MACROD2: variants seen among roughly 807,000 people sequenced by gnomAD.
MACROD2 encodes ADP-ribose glycohydrolase MACROD2.
A neutral mutation model predicts 70.4 loss-of-function variants in MACROD2; 36 were observed. The ratio of observed to expected loss-of-function variants is 0.51; its 90% CI spans 0.39 to 0.68. The LOEUF is 0.68. MACROD2 is among the 30% of genes least tolerant of loss of function. The pLI is 0.00. For synonymous variants in MACROD2, 172 were observed against 178.8 expected, an observed-to-expected ratio of 0.96 and a Z score of 0.30; for missense variants, 496 against 538.4, an observed-to-expected ratio of 0.92 and a Z score of 0.78.
chr20:15,557,766 G>A (rs1250637657), intron 8 of MACROD2, among the ~76,000 whole-genome samples: 5 of 152,142 alleles, frequency 3.3e-5, no homozygotes, highest in Non-Finnish European at 5.9e-5. Flanking sequence ...GCTTAATTTG[G>A]TGCAGCTGTT....
chr20:14,558,550 C>T (rs761296944), intron 4 of MACROD2, among the ~76,000 whole-genome samples: 2 of 151,390 alleles, frequency 1.3e-5, no homozygotes, highest in Non-Finnish European at 3.0e-5. Flanking sequence ...ATATTCTTAC[C>T]GATAAACTTC....
intron 5 of MACROD2, among the ~76,000 whole-genome samples, chr20:14,765,378 A>T (rs996302095): frequency 1.3e-5 from 2 of 150,738 alleles, no homozygotes; most frequent in African/African-American, 2.4e-5. Flanking sequence ...TATTCCTGCC[A>T]TTTTTTTTTT....
At chr20:15,124,747 C>A (rs1406814586) in intron 5 of MACROD2, among the ~76,000 whole-genome samples, 1 of 151,320 alleles carries the variant, frequency 6.6e-6, no homozygotes, top group Non-Finnish European at 1.5e-5. Flanking sequence ...GAAATTTTGT[C>A]CTTCCCCCAT....
intron 10 of MACROD2, among the ~76,000 whole-genome samples, chr20:15,888,748 T>C (rs1179836791): frequency 6.6e-6 from 1 of 152,098 alleles, no homozygotes; most frequent in Admixed American, 6.6e-5. Flanking sequence ...TTGGGCAGAA[T>C]GGGCTTGGGA....
At chr20:15,725,627 G>A (rs2050850270) in intron 8 of MACROD2, among the ~76,000 whole-genome samples, 1 of 152,100 alleles carries the variant, frequency 6.6e-6, no homozygotes, top group African/African-American at 2.4e-5. Context: ...TTGAAAAGCA[G>A]TGGTAAGAGG....
chr20:14,001,652 G>C (rs920397441), intron 1 of MACROD2, among the ~76,000 whole-genome samples: 3 of 152,084 alleles, frequency 2.0e-5, no homozygotes, highest in Non-Finnish European at 2.9e-5. Context: ...GGCAACACAA[G>C]GATAGCATTG....
chr20:15,071,929 A>T (rs2075622003), intron 5 of MACROD2, among the ~76,000 whole-genome samples: 1 of 152,056 alleles, frequency 6.6e-6, no homozygotes, highest in Non-Finnish European at 1.5e-5. Context: ...TTCTCATTCC[A>T]CTTGTTACCT....
At chr20:14,249,737 C>T (rs1052316212) in intron 3 of MACROD2, among the ~76,000 whole-genome samples, 16 of 151,982 alleles carry the variant, frequency 1.1e-4, no homozygotes, top group African/African-American at 2.9e-4. Context: ...AAAAAAACTT[C>T]AGAGTGATTT....
intron 8 of MACROD2, among the ~76,000 whole-genome samples, chr20:15,621,253 A>G (rs1036799876): frequency 6.6e-6 from 1 of 152,116 alleles, no homozygotes; most frequent in Non-Finnish European, 1.5e-5. Context: ...CTCTATTTCA[A>G]ATTATTTCTT....
chr20:16,030,168 C>T lies in MACROD2; in HGVS notation c.1154-11033C>T, dbSNP rs570664468. ...ATCCAAGCCCCAAAGATAGTGCCCA[C>T]TATGGGAAGTCCAAGCCCCAAAGAT... On this transcript the variant is annotated intron_variant, in intron 15 of 17. Transcript: ENST00000684519. 2.0e-5 allele frequency among the ~76,000 whole-genome samples: 3 copies of T among 152,310 alleles called. No individual in the cohort carries two copies. The East Asian group carries it at 5.8e-4, about 29-fold the overall frequency.
intron 3 of MACROD2, among the ~76,000 whole-genome samples, chr20:14,343,792 A>T (rs1257460620): frequency 6.6e-6 from 1 of 152,240 alleles, no homozygotes; most frequent in Non-Finnish European, 1.5e-5. Flanking sequence ...GAGCAGATCA[A>T]TATGTGTCTG....
At chr20:15,503,240 ATG>A (rs1395205013) in intron 8 of MACROD2, among the ~76,000 whole-genome samples, 3 of 152,178 alleles carry the variant, frequency 2.0e-5, no homozygotes, top group African/African-American at 7.2e-5. Context: ...GTATAAGAGC[ATG>A]TTTATATGAA....
intron 3 of MACROD2, among the ~76,000 whole-genome samples, chr20:14,180,164 G>T (rs2081294459): frequency 6.6e-6 from 1 of 151,876 alleles, no homozygotes. Context: ...CTGTTCTCTA[G>T]ACTGTTATTG....
intron 8 of MACROD2, among the ~76,000 whole-genome samples, chr20:15,508,649 T>C (rs1228811201): frequency 6.6e-6 from 1 of 152,238 alleles, no homozygotes; most frequent in Non-Finnish European, 1.5e-5. Context: ...GTGGCCTGTC[T>C]AGCGTTGGGC....
At position 15,833,416 on chromosome 20, in the gene MACROD2, G is replaced by A. The variant is rs527530255; in HGVS notation, c.646-29329G>A. 1.5e-3 allele frequency among the ~76,000 whole-genome samples: 222 copies of A among 152,276 alleles called. 1 individual carries two copies. Among genetic ancestry groups the A allele is most frequent in the Non-Finnish European group, 2.5e-3 (167 of 68,026 alleles). On this transcript the variant is annotated intron_variant, in intron 8 of 17. Transcript: ENST00000684519. ...GTTTAACACATGACAGTTTTTATGT[G>A]TGGAAATGTTCTATGCATGTAGGGG...
chr20:15,553,748 G>T (rs1388211470), intron 8 of MACROD2, among the ~76,000 whole-genome samples: 1 of 152,178 alleles, frequency 6.6e-6, no homozygotes, highest in Non-Finnish European at 1.5e-5. Flanking sequence ...TATTTTGGAA[G>T]TATTTATTGA....
intron 4 of MACROD2, among the ~76,000 whole-genome samples, chr20:14,554,823 G>A (rs1472160224): frequency 1.3e-5 from 2 of 152,058 alleles, no homozygotes; most frequent in Non-Finnish European, 2.9e-5. Flanking sequence ...TTTAGAAAAA[G>A]TATACTTGAA....
chr20:14,765,252 C>T (rs1042041050), intron 5 of MACROD2, among the ~76,000 whole-genome samples: 2 of 152,160 alleles, frequency 1.3e-5, no homozygotes, highest in Non-Finnish European at 2.9e-5. Context: ...TCTTTCTCCC[C>T]TACACCCATC....
At chr20:15,877,924 A>G (rs1351119884) in intron 9 of MACROD2, among the ~76,000 whole-genome samples, 1 of 152,102 alleles carries the variant, frequency 6.6e-6, no homozygotes, top group Admixed American at 6.6e-5. Context: ...AAATTTGACA[A>G]GGGAATTTTA....
Sources: allele counts gnomAD v4.1 joint callset (sites outside exome capture counted in the v4.1 genomes callset), GRCh38; gene constraint gnomAD v4.1.1; transcripts MANE v1.5; gene names NCBI Gene and HGNC (gene_info 2026-07-23, HGNC 2026-07-21).